Variants in PTPRD observed in about 807,000 individuals in gnomAD.
PTPRD encodes the protein receptor-type tyrosine-protein phosphatase delta.
PTPRD carries 34 observed loss-of-function variants against 214.5 expected under a neutral mutation model. The ratio of observed to expected loss-of-function variants is 0.16; its 90% CI spans 0.12 to 0.21. The LOEUF (loss-of-function observed/expected upper bound fraction) is 0.21, where lower values mean the gene tolerates loss of function less well. Ranked by LOEUF, PTPRD falls within the 10% of genes least tolerant of loss-of-function variation. The probability of loss-of-function intolerance (pLI) is 1.00; values close to 1 mark genes in which losing one functional copy is unlikely to be tolerated. For missense variants in PTPRD, 2,545 were observed against 2,398.7 expected, an observed-to-expected ratio of 1.06 and a Z score of -1.27; for synonymous variants, 1,128 against 845.7, an observed-to-expected ratio of 1.33 and a Z score of -5.79.
At chr9:8,514,615 A>C (rs1210176579) in intron 21 of PTPRD, among the ~76,000 whole-genome samples, 2 of 151,312 alleles carry the variant, frequency 1.3e-5, no homozygotes, top group African/African-American at 4.9e-5. Flanking sequence ...GAAGTAAGTT[A>C]TGTATAATTC....
At chr9:9,818,677 G>C (rs2049607291) in intron 5 of PTPRD, among the ~76,000 whole-genome samples, 1 of 152,028 alleles carries the variant, frequency 6.6e-6, no homozygotes, top group Admixed American at 6.6e-5. Context: ...CAGCACTTTG[G>C]GAGGCCGAGA....
intron 5 of PTPRD, among the ~76,000 whole-genome samples, chr9:9,937,238 T>A (rs1038217823): frequency 2.0e-5 from 3 of 149,374 alleles, no homozygotes; most frequent in African/African-American, 5.0e-5. Context: ...TAAAAAAAAA[T>A]AAAAAATAAA....
intron 8 of PTPRD, among the ~76,000 whole-genome samples, chr9:9,419,609 CT>C (rs1387246435): frequency 6.6e-6 from 1 of 151,716 alleles, no homozygotes; most frequent in Non-Finnish European, 1.5e-5. Context: ...GTATATCATC[CT>C]TTCTTTGTTC....
intron 2 of PTPRD, among the ~76,000 whole-genome samples, chr9:10,527,963 T>C (rs1487978350): frequency 6.6e-6 from 1 of 152,174 alleles, no homozygotes; most frequent in Non-Finnish European, 1.5e-5. Context: ...TAATCCATAG[T>C]AAATATTGAT....
intron 9 of PTPRD, among the ~76,000 whole-genome samples, chr9:9,207,643 T>A (rs1222624616): frequency 6.6e-6 from 1 of 152,174 alleles, no homozygotes; most frequent in Non-Finnish European, 1.5e-5. Flanking sequence ...GAGGATAATT[T>A]GGCAACATCT....
chr9:8,814,908 C>G (rs1224467932), intron 11 of PTPRD, among the ~76,000 whole-genome samples: 3 of 152,166 alleles, frequency 2.0e-5, no homozygotes, highest in African/African-American at 7.2e-5. Context: ...ACATAGCTTT[C>G]TGGAGAAGAG....
chr9:8,354,442 T>C (rs1588478252), intron 39 of PTPRD, among the ~76,000 whole-genome samples: 1 of 152,230 alleles, frequency 6.6e-6, no homozygotes. Context: ...GTAATGTTTC[T>C]ACTTTTCAAT....
At chr9:8,415,128 C>T (rs1333845841) in intron 35 of PTPRD, among the ~76,000 whole-genome samples, 1 of 152,100 alleles carries the variant, frequency 6.6e-6, no homozygotes, top group Non-Finnish European at 1.5e-5. Context: ...GATACTGAAT[C>T]CAGAATGAGA....
chr9:9,033,905 C>T (rs961649937), intron 10 of PTPRD, among the ~76,000 whole-genome samples: 9 of 152,092 alleles, frequency 5.9e-5, no homozygotes, highest in African/African-American at 2.2e-4. Context: ...CCATTGAAAT[C>T]AAACAATAGG....
intron 2 of PTPRD, among the ~76,000 whole-genome samples, chr9:10,411,661 C>T (rs904422910): frequency 6.6e-6 from 1 of 151,762 alleles, no homozygotes; most frequent in East Asian, 2.0e-4. Context: ...TAGTCATTTG[C>T]TATTTGATTT....
At chr9:10,189,849 G>C (rs1485185571) in intron 3 of PTPRD, among the ~76,000 whole-genome samples, 1 of 152,148 alleles carries the variant, frequency 6.6e-6, no homozygotes. Context: ...CAAGGAATGA[G>C]GGAATGGGAG....
intron 2 of PTPRD, among the ~76,000 whole-genome samples, chr9:10,453,559 T>C (rs1326647420): frequency 6.6e-6 from 1 of 151,662 alleles, no homozygotes; most frequent in East Asian, 1.9e-4. Context: ...TTTTTATAGC[T>C]CTTGCAAATG....
intron 11 of PTPRD, among the ~76,000 whole-genome samples, chr9:8,875,783 G>C (rs1187943140): frequency 6.6e-6 from 1 of 152,114 alleles, no homozygotes; most frequent in Non-Finnish European, 1.5e-5. Context: ...TAGTAAGAGT[G>C]GGCTGAAATC....
intron 9 of PTPRD, among the ~76,000 whole-genome samples, chr9:9,215,900 G>C (rs973332117): frequency 2.6e-5 from 4 of 152,168 alleles, no homozygotes; most frequent in African/African-American, 9.6e-5. Flanking sequence ...AGACAGATTA[G>C]TAAATGGACA....
At chr9:9,785,253 G>C (rs1001751022) in intron 5 of PTPRD, among the ~76,000 whole-genome samples, 1 of 151,954 alleles carries the variant, frequency 6.6e-6, no homozygotes, top group Non-Finnish European at 1.5e-5. Flanking sequence ...TTGCAGGCAA[G>C]ATTCGCAAGG....
At chr9:9,131,731 T>C (rs997591931) in intron 10 of PTPRD, among the ~76,000 whole-genome samples, 7 of 152,194 alleles carry the variant, frequency 4.6e-5, no homozygotes, top group African/African-American at 1.7e-4. Context: ...AAATATCATA[T>C]ATGAATAGCC....
Position 10,607,465 on chromosome 9 carries a change from T to C in PTPRD, c.-600+4933A>G, listed in dbSNP as rs559991986. Among the ~76,000 whole-genome samples, 8 of 152,020 alleles carry C rather than the reference T, an allele frequency of 5.3e-5. No homozygotes were observed. The South Asian group carries it at 1.7e-3, about 31-fold the overall frequency. On this transcript the variant is annotated intron_variant, in intron 2 of 45. Coordinates refer to ENST00000381196, the MANE Select transcript of PTPRD (RefSeq NM_002839.4). ...ACAGATGTTTTTAAACACACACAGA[T>C]ACATAAATGCTCACATGCAAACACA...
intron 10 of PTPRD, among the ~76,000 whole-genome samples, chr9:9,038,804 G>A (rs1481366867): frequency 6.6e-6 from 1 of 151,984 alleles, no homozygotes; most frequent in Non-Finnish European, 1.5e-5. Flanking sequence ...TGATCAGTCC[G>A]CCTCGGACTC....
chr9:9,874,617 T>G (rs556300147), intron 5 of PTPRD, among the ~76,000 whole-genome samples: 1 of 152,198 alleles, frequency 6.6e-6, no homozygotes, highest in African/African-American at 2.4e-5. Context: ...CCTCGTTCTC[T>G]TTTATCTCAA....
Sources: gnomAD v4.1 joint callset for allele counts (sites outside exome capture counted in the v4.1 genomes callset) on GRCh38, gnomAD v4.1.1 for gene constraint, MANE v1.5 for transcripts, NCBI Gene and HGNC (gene_info 2026-07-23, HGNC 2026-07-21) for gene names.